Variants in SLX4IP observed in about 807,000 individuals in gnomAD.
SLX4IP encodes SLX4 interacting protein.
Under a neutral mutation model 32.9 loss-of-function variants are expected in SLX4IP, and 34 were observed. The ratio of observed to expected loss-of-function variants is 1.03; its 90% confidence interval spans 0.79 to 1.38. The LOEUF is 1.38. Among genes scored for constraint, SLX4IP ranks in the 40% most tolerant of loss-of-function variants. The pLI is 0.00. For synonymous variants in SLX4IP, 172 were observed against 171.7 expected, an observed-to-expected ratio of 1.00 and a Z score of -0.01; for missense variants, 444 against 479.0, an observed-to-expected ratio of 0.93 and a Z score of 0.68.
chr20:10,568,373 T>C (rs187671668), intron 4 of SLX4IP, among the ~76,000 whole-genome samples: 3 of 152,360 alleles, frequency 2.0e-5, no homozygotes, highest in Non-Finnish European at 2.9e-5. Flanking sequence ...TGCCAGTAGA[T>C]AGAAACCTGC....
intron 6 of SLX4IP, among the ~76,000 whole-genome samples, chr20:10,602,930 C>A (rs1353377099): frequency 6.6e-6 from 1 of 152,144 alleles, no homozygotes; most frequent in Admixed American, 6.6e-5. Context: ...TTTGCAACAG[C>A]CAGTGTGGTT....
intron 2 of SLX4IP, among the ~76,000 whole-genome samples, chr20:10,520,345 C>T (rs556206836): frequency 4.6e-5 from 7 of 152,076 alleles, no homozygotes; most frequent in South Asian, 2.1e-4. Flanking sequence ...CCACTGCGCC[C>T]GGCCCTTGTG....
At chr20:10,443,020 A>G (rs746192156) in intron 1 of SLX4IP, among the ~76,000 whole-genome samples, 14 of 152,208 alleles carry the variant, frequency 9.2e-5, no homozygotes, top group Non-Finnish European at 1.5e-4. Flanking sequence ...ATTATTTTCA[A>G]TATGAAACAC....
intron 2 of SLX4IP, among the ~76,000 whole-genome samples, chr20:10,514,476 C>CT (rs1173693635): frequency 6.6e-6 from 1 of 152,208 alleles, no homozygotes; most frequent in African/African-American, 2.4e-5. Flanking sequence ...AAACAGTTAG[C>CT]TTTCCTGTTT....
chr20:10,526,515 C>G (rs2122456858), intron 2 of SLX4IP, among the ~76,000 whole-genome samples: 1 of 152,292 alleles, frequency 6.6e-6, no homozygotes, highest in African/African-American at 2.4e-5. Flanking sequence ...CAGGTGTTTT[C>G]TCCATCAAAT....
At chr20:10,507,130 T>C (rs2122422456) in intron 2 of SLX4IP, among the ~76,000 whole-genome samples, 1 of 152,266 alleles carries the variant, frequency 6.6e-6, no homozygotes. Context: ...CTTGAAGAGA[T>C]GAGGGAGTTA....
intron 4 of SLX4IP, among the ~76,000 whole-genome samples, chr20:10,571,818 G>A (rs182202389): frequency 6.6e-6 from 1 of 152,214 alleles, no homozygotes; most frequent in East Asian, 1.9e-4. Flanking sequence ...AACATCTCTT[G>A]CCCCTTACAC....
chr20:10,551,585 C>T (rs1425931222), intron 2 of SLX4IP, among the ~76,000 whole-genome samples: 1 of 152,148 alleles, frequency 6.6e-6, no homozygotes, highest in Non-Finnish European at 1.5e-5. Flanking sequence ...AGACCTGTCT[C>T]CATGGCTTAT....
intron 6 of SLX4IP, among the ~76,000 whole-genome samples, chr20:10,608,443 A>G (rs1250751138): frequency 6.6e-6 from 1 of 152,080 alleles, no homozygotes; most frequent in African/African-American, 2.4e-5. Context: ...AGGCGGGCGG[A>G]TCACGAGGTC....
chr20:10,488,113 A>T (rs1361787372), intron 2 of SLX4IP, among the ~76,000 whole-genome samples: 3 of 152,176 alleles, frequency 2.0e-5, no homozygotes, highest in Non-Finnish European at 4.4e-5. Flanking sequence ...CATAGTCCTT[A>T]TTATGGGTTG....
At position 10,477,551 on chromosome 20, in the gene SLX4IP, G is replaced by A. The variant is rs146399966; in HGVS notation, c.27+19320G>A. Among the ~76,000 whole-genome samples, 504 of 152,278 alleles carry A rather than the reference G, an allele frequency of 3.3e-3. 2 individuals are homozygous for A. Among genetic ancestry groups the A allele is most frequent in the African/African-American group, 0.012 (486 of 41,554 alleles). On this transcript the variant is annotated intron_variant, in intron 2 of 7. Transcript: ENST00000334534. Reference sequence around the variant, plus strand: ...CAAAGTGCTGGGATTACAGGCGTGAGCCACCGTGCCCGGCCGAAGGGAATT... The same window carrying A: ...CAAAGTGCTGGGATTACAGGCGTGAACCACCGTGCCCGGCCGAAGGGAATT...
intron 2 of SLX4IP, among the ~76,000 whole-genome samples, chr20:10,474,797 T>C (rs1199312478): frequency 1.3e-5 from 2 of 152,222 alleles, no homozygotes; most frequent in Non-Finnish European, 2.9e-5. Context: ...GTTGGGGGTG[T>C]TCCCTGGGAT....
chr20:10,461,105 T>C (rs2065333870), intron 2 of SLX4IP, among the ~76,000 whole-genome samples: 1 of 152,216 alleles, frequency 6.6e-6, no homozygotes, highest in African/African-American at 2.4e-5. Context: ...ATGACTTTAT[T>C]ATATGCTAGA....
At chr20:10,557,474 A>C (rs1357294056) in intron 3 of SLX4IP, among the ~76,000 whole-genome samples, 2 of 152,228 alleles carry the variant, frequency 1.3e-5, no homozygotes, top group Admixed American at 6.5e-5. Context: ...ATATTTAGCA[A>C]GTCAATCAAC....
At chr20:10,570,030 C>G (rs563606279) in intron 4 of SLX4IP, among the ~76,000 whole-genome samples, 2 of 152,182 alleles carry the variant, frequency 1.3e-5, no homozygotes, top group African/African-American at 4.8e-5. Context: ...GTATGTTCTC[C>G]GTCTTATTTG....
intron 2 of SLX4IP, among the ~76,000 whole-genome samples, chr20:10,466,175 C>T (rs559814711): frequency 2.6e-4 from 40 of 152,288 alleles, no homozygotes; most frequent in African/African-American, 8.9e-4. Flanking sequence ...ATGGTGTCTA[C>T]CTCAGGAAAG....
intron 2 of SLX4IP, among the ~76,000 whole-genome samples, chr20:10,555,621 C>G (rs1221097004): frequency 3.3e-5 from 5 of 152,124 alleles, no homozygotes; most frequent in African/African-American, 1.2e-4. Flanking sequence ...CAGCGCTAGC[C>G]TATAGAATAA....
chr20:10,458,080 T>C lies in SLX4IP; in HGVS notation c.-29-96T>C, dbSNP rs1028177930. On this transcript the variant is annotated intron_variant, in intron 1 of 7. Transcript: ENST00000334534. ...TGAACATTCATCTCATAAATACCTA[T>C]TGATATTTTACTATTCAGCCCATCT... is the stretch of plus-strand genomic sequence containing the variant. 38 of 684,080 alleles carry C rather than the reference T, an allele frequency of 5.6e-5. 1 individual carries two copies. The highest frequency in any genetic ancestry group is 7.1e-5 in the Non-Finnish European group (31 of 435,152). 42.4% of individuals were successfully genotyped at this position (684,080 alleles called of 1,614,324 possible).
intron 2 of SLX4IP, among the ~76,000 whole-genome samples, chr20:10,498,304 C>T (rs1341603838): frequency 2.0e-5 from 3 of 151,856 alleles, no homozygotes; most frequent in East Asian, 1.9e-4. Flanking sequence ...ATGCCAGTGC[C>T]CTAGGTCAAT....
Sources: gnomAD v4.1 joint callset for allele counts (sites outside exome capture counted in the v4.1 genomes callset) on GRCh38, gnomAD v4.1.1 for gene constraint, MANE v1.5 for transcripts, NCBI Gene and HGNC (gene_info 2026-07-23, HGNC 2026-07-21) for gene names.